TCERG1L: variants seen among roughly 807,000 people sequenced by gnomAD.
TCERG1L encodes the protein transcription elongation regulator 1 like.
A neutral mutation model predicts 56.3 loss-of-function variants in TCERG1L; 37 were observed. The observed-to-expected ratio is 0.66, with a 90% confidence interval of 0.51 to 0.87. The LOEUF (loss-of-function observed/expected upper bound fraction) is 0.87. TCERG1L is among the 40% of genes least tolerant of loss of function. The probability of loss-of-function intolerance (pLI) is 0.00; values close to 1 mark genes in which losing one functional copy is unlikely to be tolerated. For synonymous variants in TCERG1L, 324 were observed against 326.3 expected (o/e 0.99, Z 0.08); for missense variants, 799 against 774.2 (o/e 1.03, Z -0.38).
At chr10:131,287,254 T>C (rs1330941036) in intron 3 of TCERG1L, among the ~76,000 whole-genome samples, 1 of 152,204 alleles carries the variant, frequency 6.6e-6, no homozygotes, top group Non-Finnish European at 1.5e-5. Context: ...ATAGTTGTCA[T>C]GGAATTCTGA....
At chr10:131,237,204 C>T (rs1845921888) in intron 4 of TCERG1L, among the ~76,000 whole-genome samples, 1 of 152,122 alleles carries the variant, frequency 6.6e-6, no homozygotes, top group Non-Finnish European at 1.5e-5. Context: ...AGCAAAACCC[C>T]TCACCCTCCA....
At chr10:131,233,756 G>A (rs969273504) in intron 4 of TCERG1L, among the ~76,000 whole-genome samples, 1 of 152,178 alleles carries the variant, frequency 6.6e-6, no homozygotes, top group Non-Finnish European at 1.5e-5. Context: ...TTCGGCTATG[G>A]TTTGTCCCCA....
At position 131,311,599 on chromosome 10, in the gene TCERG1L, G is replaced by GCCGCCGCCGC. The variant is rs1846902064; in HGVS notation, c.27_36dup (p.Gln13AlafsTer152). 3 of 1,137,036 alleles carry GCCGCCGCCGC rather than the reference G, an allele frequency of 2.6e-6. No homozygotes were observed. Among genetic ancestry groups the GCCGCCGCCGC allele is most frequent in the African/African-American group, 1.6e-5 (1 of 60,628 alleles). 70.4% of individuals were successfully genotyped at this position (1,137,036 alleles called of 1,614,324 possible). A position where few individuals can be genotyped will look rare whatever the true frequency, so the allele number is the denominator to read the frequency against. On this transcript the variant is annotated frameshift_variant, in exon 1 of 12. Coordinates refer to ENST00000368642, the MANE Select transcript of TCERG1L (RefSeq NM_174937.4). LOFTEE classifies it high-confidence loss of function. The surrounding 1 kb of genome is among the most constrained non-coding windows in gnomAD (Gnocchi z 4.0). ...CGCCGGGGCTGCTGCTGCTGCAGCT[G>GCCGCCGCCGC]CCGCCGCCGCCGCTGGAACCTGGCG...
chr10:131,274,865 C>A (rs1053305135), intron 3 of TCERG1L, among the ~76,000 whole-genome samples: 8 of 152,226 alleles, frequency 5.3e-5, no homozygotes, highest in Non-Finnish European at 1.2e-4. Context: ...TGCCTGCCTC[C>A]ATCCACAATC....
chr10:131,154,942 C>T (rs10829934), intron 6 of TCERG1L, among the ~76,000 whole-genome samples: 27,094 of 152,246 alleles, frequency 0.18, 2,770 homozygotes, highest in South Asian at 0.27. Context: ...TCTCATAAAT[C>T]GATAGGGCTA....
rs1203564843 is a variant in TCERG1L at position 131,260,537 on chromosome 10, G to A, written c.671-93C>T. The A allele has an allele frequency of 7.7e-6, 10 of 1,297,154 alleles. No homozygotes were observed. Among genetic ancestry groups the A allele is most frequent in the Admixed American group, 4.2e-5 (1 of 23,892 alleles). The allele number at this position is 1,297,154 out of a possible 1,614,324, so 80.4% of individuals were successfully genotyped here. ...CGCTACCGCAAGATATCAGCCCCCA[G>A]AAAACAGGTGAGGGGGGCGCTACCC... On this transcript the variant is annotated intron_variant, in intron 3 of 11. Transcript: ENST00000368642. The surrounding 1 kb of genome is among the most constrained non-coding windows in gnomAD (Gnocchi z 5.8).
chr10:131,132,183 G>C (rs768082734), intron 8 of TCERG1L, among the ~76,000 whole-genome samples: 8 of 152,194 alleles, frequency 5.3e-5, no homozygotes, highest in Non-Finnish European at 7.3e-5. Context: ...CGCAGGACGG[G>C]ATGGGCGTGC....
At chr10:131,174,780 G>T (rs190041427) in intron 4 of TCERG1L, among the ~76,000 whole-genome samples, 94 of 152,226 alleles carry the variant, frequency 6.2e-4, no homozygotes, top group African/African-American at 2.1e-3. Context: ...GAACCAGAGC[G>T]TGGCTTCCTC....
intron 4 of TCERG1L, among the ~76,000 whole-genome samples, chr10:131,167,429 C>T (rs955479904): frequency 8.5e-5 from 13 of 152,240 alleles, no homozygotes; most frequent in Non-Finnish European, 1.9e-4. Context: ...GAGCCTCCTC[C>T]AGTGATGCCA....
intron 3 of TCERG1L, among the ~76,000 whole-genome samples, chr10:131,272,696 T>C (rs1236629333): frequency 6.6e-6 from 1 of 152,186 alleles, no homozygotes; most frequent in African/African-American, 2.4e-5. Context: ...GTCTGTGAAC[T>C]GTGCCGTCCA....
At chr10:131,248,722 T>C (rs1846069730) in intron 4 of TCERG1L, among the ~76,000 whole-genome samples, 1 of 152,218 alleles carries the variant, frequency 6.6e-6, no homozygotes, top group South Asian at 2.1e-4. Context: ...CTTTGCTCCC[T>C]GAGTGGGACA....
At chr10:131,202,265 G>C (rs1259444826) in intron 4 of TCERG1L, among the ~76,000 whole-genome samples, 1 of 152,176 alleles carries the variant, frequency 6.6e-6, no homozygotes, top group Non-Finnish European at 1.5e-5. Flanking sequence ...CTGCACCGTG[G>C]GGTACCACAA....
chr10:131,154,686 A>C (rs1249204603), intron 6 of TCERG1L, among the ~76,000 whole-genome samples: 3 of 152,138 alleles, frequency 2.0e-5, no homozygotes, highest in Non-Finnish European at 4.4e-5. Flanking sequence ...CTCCAGGAGG[A>C]GCGCAGGGAG....
At position 131,289,209 on chromosome 10, in the gene TCERG1L, G is replaced by A. The variant is rs1361552515; in HGVS notation, c.670+19002C>T. On this transcript the variant is annotated intron_variant, in intron 3 of 11. Coordinates refer to ENST00000368642, the MANE Select transcript of TCERG1L (RefSeq NM_174937.4). Reference sequence around the variant, plus strand: ...GTTTCTTTTCGGAACAGATGGACAAGACAGCGTTATCTTCATTTCGTGAGC... The same window carrying A: ...GTTTCTTTTCGGAACAGATGGACAAAACAGCGTTATCTTCATTTCGTGAGC... 1.3e-5 allele frequency among the ~76,000 whole-genome samples: 2 copies of A among 150,832 alleles called. 1 individual carries two copies. Among genetic ancestry groups the A allele is most frequent in the South Asian group, 4.2e-4 (2 of 4,782 alleles).
chr10:131,113,911 C>T (rs1845431123), intron 9 of TCERG1L, among the ~76,000 whole-genome samples: 1 of 142,584 alleles, frequency 7.0e-6, no homozygotes, highest in African/African-American at 2.5e-5. Flanking sequence ...AAATTAATAA[C>T]CTGCTGTTCA....
rs555050249 is a variant in TCERG1L at position 131,303,659 on chromosome 10, G to A, written c.670+4552C>T. Among the ~76,000 whole-genome samples, 37 of 152,070 alleles carry A rather than the reference G, an allele frequency of 2.4e-4. 1 individual carries two copies. The highest frequency in any genetic ancestry group is 4.6e-4 in the African/African-American group (19 of 41,410). Reference sequence around the variant, plus strand: ...AGATATCACCTTCTCCCACTGTTACGATCTGATTTTTACAGTCACATCTAT... The same window carrying A: ...AGATATCACCTTCTCCCACTGTTACAATCTGATTTTTACAGTCACATCTAT... On this transcript the variant is annotated intron_variant, in intron 3 of 11. Coordinates refer to ENST00000368642, the MANE Select transcript of TCERG1L (RefSeq NM_174937.4).
intron 4 of TCERG1L, among the ~76,000 whole-genome samples, chr10:131,230,391 G>A (rs531543929): frequency 6.6e-6 from 1 of 152,330 alleles, no homozygotes; most frequent in South Asian, 2.1e-4. Flanking sequence ...CGCAGCACGT[G>A]CAGGCCCCTT....
At chr10:131,286,870 G>A (rs773313584) in intron 3 of TCERG1L, among the ~76,000 whole-genome samples, 42 of 152,200 alleles carry the variant, frequency 2.8e-4, no homozygotes, top group Admixed American at 5.2e-4. Flanking sequence ...CATGGGAGGC[G>A]TTAGCTCCAT....
At chr10:131,206,308 C>G (rs1766360471) in intron 4 of TCERG1L, among the ~76,000 whole-genome samples, 1 of 152,166 alleles carries the variant, frequency 6.6e-6, no homozygotes, top group Non-Finnish European at 1.5e-5. Flanking sequence ...GCAGGGAGGT[C>G]AGCCCGGGAC....
Sources: gnomAD v4.1 joint callset for allele counts (sites outside exome capture counted in the v4.1 genomes callset) on GRCh38, gnomAD v4.1.1 for gene constraint, Gnocchi (gnomAD v3.1) non-coding constraint, MANE v1.5 for transcripts, NCBI Gene and HGNC (gene_info 2026-07-23, HGNC 2026-07-21) for gene names.